The following USP4 variants were observed in gnomAD, a reference collection of about 807,000 sequenced individuals.
USP4 encodes the protein ubiquitin specific peptidase 4, also known as ubiquitin carboxyl-terminal hydrolase 4.
In USP4, 72 loss-of-function variants were observed where a neutral mutation model predicts 118.2. That is an observed-to-expected ratio of 0.61 (90% CI 0.50 to 0.74). The LOEUF is 0.74. Among genes scored for constraint, USP4 ranks in the 30% least tolerant of loss-of-function variants. USP4 has a pLI of 0.00. For missense variants in USP4, 1,037 were observed against 1,185.7 expected (o/e 0.87, Z 1.84); for synonymous variants, 415 against 440.4 (o/e 0.94, Z 0.72).
intron 14 of USP4, among the ~76,000 whole-genome samples, chr3:49,292,901 A>G (rs1006882376): frequency 1.3e-5 from 2 of 151,866 alleles, no homozygotes; most frequent in African/African-American, 4.8e-5. Flanking sequence ...ATGGTGGCAC[A>G]TGCCTGTAAT....
At chr3:49,315,418 G>A (rs904461468) in intron 6 of USP4, among the ~76,000 whole-genome samples, 8 of 152,122 alleles carry the variant, frequency 5.3e-5, no homozygotes, top group African/African-American at 1.9e-4. Context: ...ACTATAATCT[G>A]GGAAATGCTG....
intron 19 of USP4, among the ~76,000 whole-genome samples, chr3:49,281,091 C>G (rs2047018629): frequency 6.6e-6 from 1 of 151,996 alleles, no homozygotes; most frequent in Admixed American, 6.6e-5. Flanking sequence ...GGGGCCAAGG[C>G]AGGTGGATCA....
In USP4 at chr3:49,284,594, T is replaced by A. The variant is rs2304442; in HGVS notation, c.2272-10A>T. ...CATGCTTCTCGTAGGCCTATGGGAA[T>A]CAAAGCACTCAGTTCTGCTGGAGAA... On this transcript the variant is annotated splice_polypyrimidine_tract_variant and intron_variant, in intron 17 of 21. Coordinates refer to ENST00000265560, the MANE Select transcript of USP4 (RefSeq NM_003363.4). The A allele has an allele frequency of 0.17, 268,221 of 1,610,124 alleles. 23,784 individuals are homozygous for A. The highest frequency in any genetic ancestry group is 0.25 in the African/African-American group (18,349 of 74,844).
chr3:49,309,389 C>A (rs2107786447), intron 8 of USP4, among the ~76,000 whole-genome samples: 1 of 152,132 alleles, frequency 6.6e-6, no homozygotes, highest in Admixed American at 6.6e-5. Flanking sequence ...ATAATATATG[C>A]CCAATAAATA....
chr3:49,320,366 T>C (rs2047485828), intron 6 of USP4, among the ~76,000 whole-genome samples: 1 of 152,134 alleles, frequency 6.6e-6, no homozygotes, highest in South Asian at 2.1e-4. Flanking sequence ...TGCTTGAACC[T>C]GGGAGGCAGA....
At chr3:49,291,881 T>A (rs2047155476) in intron 15 of USP4, among the ~76,000 whole-genome samples, 1 of 151,658 alleles carries the variant, frequency 6.6e-6, no homozygotes. Context: ...TGGCGCGATC[T>A]TGGCTCACTG....
At position 49,284,033 on chromosome 3, in the gene USP4, T is replaced by G. The variant is rs776822205; in HGVS notation, c.2494A>C (p.Arg832=). 6.2e-7 allele frequency: 1 copy of G among 1,614,274 alleles called. No homozygotes were observed. Residue 832 remains arginine, a synonymous_variant, in exon 19 of 22, where the codon AGA becomes CGA. Coordinates refer to ENST00000265560, the MANE Select transcript of USP4 (RefSeq NM_003363.4). ...VVHLKRFSYN[R]YWRDKLDTVV... is the part of the protein sequence containing the mutation. ...GTGTCGAGCTTATCCCTCCAGTATC[T>G]GTTGTAGGAGAAACGTTTGAGGTGG...
At chr3:49,298,424 C>T (rs1053030417) in intron 12 of USP4, 128 bp downstream of exon 12, 5 of 838,582 alleles carry the variant, frequency 6.0e-6, no homozygotes, top group Non-Finnish European at 1.0e-5. Context: ...CATCCAGACA[C>T]ACACAAATAA....
In USP4 at chr3:49,286,258, A is replaced by G. The variant is rs913814782; in HGVS notation, c.2040T>C (p.Ser680=). Residue 680 remains serine, a synonymous_variant, in exon 16 of 22, where the codon AGT becomes AGC. Transcript: ENST00000265560. ...GKEQLSETEG[S]GEDEPGNDPS... is the part of the protein sequence containing the mutation. ...GGTCATTTCCTGGCTCATCTTCCCC[A>G]CTGCCTTCTGTTTCTGAAAGCTGCT... is the stretch of plus-strand genomic sequence containing the variant. 3 of 1,613,972 alleles carry G rather than the reference A, an allele frequency of 1.9e-6. No homozygotes were observed. The highest frequency in any genetic ancestry group is 2.5e-6 in the Non-Finnish European group (3 of 1,179,976).
chr3:49,283,970 T>C lies in USP4; in HGVS notation c.2540+17A>G, dbSNP rs750989535. The C allele has an allele frequency of 1.3e-5, 21 of 1,613,902 alleles. No individual in the cohort carries two copies. Among genetic ancestry groups the C allele is most frequent in the African/African-American group, 4.0e-5 (3 of 74,948 alleles). ...CTGTTTTTAAATGTTCCTAACACTG[T>C]AGTCACCATGACCCACCTGATTGGG... On this transcript the variant is annotated intron_variant, in intron 19 of 21. Coordinates refer to ENST00000265560, the MANE Select transcript of USP4 (RefSeq NM_003363.4).
chr3:49,301,214 G>A (rs556560185), intron 10 of USP4, among the ~76,000 whole-genome samples: 3 of 152,092 alleles, frequency 2.0e-5, no homozygotes, highest in South Asian at 2.1e-4. Context: ...TGCTGGAACC[G>A]CAGGGGAAAG....
In USP4 at chr3:49,298,051, A is replaced by G. The variant is rs1206354168; in HGVS notation, c.1597-87T>C. The G allele has an allele frequency of 3.5e-5, 31 of 877,452 alleles. No individual in the cohort carries two copies. In the East Asian group the frequency reaches 7.8e-4, roughly 22 times the overall value. 54.4% of individuals were successfully genotyped at this position (877,452 alleles called of 1,614,324 possible). ...AAAACCCAGAAACAAATGAAAAAAAAAATACTCATACTCAAATGTTGCCTC... is the reference window on the plus strand; with the variant it reads ...AAAACCCAGAAACAAATGAAAAAAAGAATACTCATACTCAAATGTTGCCTC... On this transcript the variant is annotated intron_variant, in intron 12 of 21. Transcript: ENST00000265560.
At chr3:49,312,524 G>T in intron 6 of USP4, 1 of 452,996 alleles carries the variant, frequency 2.2e-6, no homozygotes, top group South Asian at 1.6e-5. Flanking sequence ...GGAAGCTGAG[G>T]CAGGAGAATT....
At chr3:49,278,772 C>T (rs1297368439) in intron 21 of USP4, 42 bp downstream of exon 21, 11 of 1,432,962 alleles carry the variant, frequency 7.7e-6, no homozygotes, top group Non-Finnish European at 1.1e-5. Context: ...AGCTTTAATC[C>T]ATAACGACAT....
At chr3:49,280,989 G>C (rs565379921) in intron 19 of USP4, 142 bp from the exon 20 acceptor site, 1 of 630,930 alleles carries the variant, frequency 1.6e-6, no homozygotes, top group East Asian at 2.9e-5. Context: ...AGATGGAAGG[G>C]ACTCTAGGAT....
intron 4 of USP4, 142 bp downstream of exon 4, chr3:49,325,577 T>G: frequency 8.0e-7 from 1 of 1,244,140 alleles, no homozygotes; most frequent in Non-Finnish European, 1.1e-6. Flanking sequence ...GGCCCCCAGG[T>G]CAGGACTGGC....
intron 8 of USP4, 111 bp from the exon 9 acceptor site, chr3:49,305,999 C>T: frequency 9.0e-7 from 1 of 1,106,874 alleles, no homozygotes; most frequent in Non-Finnish European, 1.2e-6. Flanking sequence ...AAATGAGGCA[C>T]TCAGGAGATT....
chr3:49,298,222 C>G (rs972349121), intron 12 of USP4, among the ~76,000 whole-genome samples: 4 of 152,186 alleles, frequency 2.6e-5, no homozygotes, highest in African/African-American at 9.7e-5. Flanking sequence ...TAACCAGAAA[C>G]CAGCAGTTGT....
intron 13 of USP4, among the ~76,000 whole-genome samples, chr3:49,296,008 T>G (rs17080510): frequency 0.024 from 3,714 of 152,132 alleles, 165 homozygotes; most frequent in African/African-American, 0.085. Context: ...ATTAAATAAT[T>G]TAGTAGCACA....
Sources: allele counts gnomAD v4.1 joint callset (sites outside exome capture counted in the v4.1 genomes callset), GRCh38; gene constraint gnomAD v4.1.1; transcripts MANE v1.5; gene names NCBI Gene and HGNC (gene_info 2026-07-23, HGNC 2026-07-21).